The following NELL2 variants were observed in gnomAD, a reference collection of about 807,000 sequenced individuals.
The protein encoded by NELL2 is protein kinase C-binding protein NELL2.
In NELL2, 41 loss-of-function variants were observed where a neutral mutation model predicts 109.6. The ratio of observed to expected loss-of-function variants is 0.37; its 90% CI spans 0.29 to 0.49. NELL2 has a LOEUF of 0.49. Among genes scored for constraint, NELL2 ranks in the 20% least tolerant of loss-of-function variants. The probability of loss-of-function intolerance (pLI) is 0.98; values close to 1 mark genes in which losing one functional copy is unlikely to be tolerated. For synonymous variants in NELL2, 355 were observed against 344.7 expected (o/e 1.03, Z -0.33); for missense variants, 900 against 1,008.3 (o/e 0.89, Z 1.45).
intron 3 of NELL2, among the ~76,000 whole-genome samples, chr12:44,788,675 G>C (rs567619449): frequency 2.6e-5 from 4 of 152,176 alleles, no homozygotes; most frequent in African/African-American, 9.7e-5. Flanking sequence ...GAACTTGGGG[G>C]AAGGCACAAA....
rs570596457 is a variant in NELL2, at chr12:44,837,842, T to C, written c.185-21706A>G. Among the ~76,000 whole-genome samples the C allele has an allele frequency of 2.6e-5, 4 of 152,342 alleles. No homozygotes were observed. In the South Asian group the frequency reaches 8.3e-4, roughly 32 times the overall value. ...CAATGTACCTTACTGAATTAAAAAA[T>C]AGCTTTAATTTCTACATTAAATCAA... On this transcript the variant is annotated intron_variant, in intron 2 of 19. Coordinates refer to ENST00000429094, the MANE Select transcript of NELL2 (RefSeq NM_001145108.2).
intron 13 of NELL2, 145 bp from the exon 14 acceptor site, chr12:44,611,115 T>G: frequency 1.3e-6 from 1 of 757,266 alleles, no homozygotes; most frequent in East Asian, 2.7e-5. Flanking sequence ...GCTCAGATTT[T>G]GAAGTATTAT....
At chr12:44,910,648 A>G (rs1021070361) in intron 1 of NELL2, among the ~76,000 whole-genome samples, 2 of 152,070 alleles carry the variant, frequency 1.3e-5, no homozygotes, top group African/African-American at 4.8e-5. Context: ...CCAAAAAGAT[A>G]CATGTACATG....
At chr12:44,599,748 A>C (rs902772930) in intron 15 of NELL2, among the ~76,000 whole-genome samples, 4 of 152,172 alleles carry the variant, frequency 2.6e-5, no homozygotes, top group Non-Finnish European at 4.4e-5. Context: ...CAAGGTAAAT[A>C]AAAATATTAA....
Position 44,727,481 on chromosome 12 carries a change from GAGTAATAAA to G in NELL2, c.995-12749_995-12741del, listed in dbSNP as rs1471732181. Among the ~76,000 whole-genome samples the G allele has an allele frequency of 3.3e-5, 5 of 152,024 alleles. No homozygotes were observed. The East Asian group carries it at 9.6e-4, about 29-fold the overall frequency. ...TTGCTTATGAATATGACTGCAAAAA[GAGTAATAAA>G]AGTAACAGAAGTGGAAAAATGGAGA... On this transcript the variant is annotated intron_variant, in intron 9 of 19. Transcript: ENST00000429094.
intron 9 of NELL2, among the ~76,000 whole-genome samples, chr12:44,756,480 A>G (rs544768704): frequency 2.6e-5 from 4 of 152,132 alleles, no homozygotes; most frequent in African/African-American, 9.6e-5. Flanking sequence ...TCACAGCCAA[A>G]TGTATTGCAA....
chr12:44,757,557 T>C (rs1325147476), intron 9 of NELL2, among the ~76,000 whole-genome samples: 1 of 152,068 alleles, frequency 6.6e-6, no homozygotes, highest in Non-Finnish European at 1.5e-5. Flanking sequence ...ATACCATACA[T>C]CTAACTAGAA....
chr12:44,583,612 T>G (rs1230259271), intron 15 of NELL2, among the ~76,000 whole-genome samples: 1 of 152,234 alleles, frequency 6.6e-6, no homozygotes, highest in East Asian at 1.9e-4. Flanking sequence ...GACATTATAT[T>G]TCTTTATGAA....
chr12:44,527,739 G>T (rs1157031322), intron 16 of NELL2, among the ~76,000 whole-genome samples: 1 of 152,060 alleles, frequency 6.6e-6, no homozygotes, highest in South Asian at 2.1e-4. Context: ...TAAATGGAGA[G>T]TTGTTTAGAA....
intron 1 of NELL2, among the ~76,000 whole-genome samples, chr12:44,919,381 G>A (rs777747697): frequency 8.6e-5 from 13 of 151,886 alleles, no homozygotes; most frequent in Admixed American, 2.6e-4. Context: ...CCCAATAACC[G>A]TATGTTGAAT....
chr12:44,856,574 G>A (rs1011752288), intron 2 of NELL2, among the ~76,000 whole-genome samples: 1 of 152,154 alleles, frequency 6.6e-6, no homozygotes, highest in African/African-American at 2.4e-5. Flanking sequence ...CTGTCTGGGG[G>A]AAGAGCATTC....
At chr12:44,585,510 GA>G (rs930169966) in intron 15 of NELL2, among the ~76,000 whole-genome samples, 1 of 151,214 alleles carries the variant, frequency 6.6e-6, no homozygotes, top group Admixed American at 6.6e-5. Context: ...GCTGAGGCAG[GA>G]AAAAAAATAA....
chr12:44,644,295 T>C (rs1012295441), intron 13 of NELL2, among the ~76,000 whole-genome samples: 1 of 151,990 alleles, frequency 6.6e-6, no homozygotes, highest in Non-Finnish European at 1.5e-5. Context: ...GAGTTCACAG[T>C]GTGGCATGTA....
At chr12:44,674,803 G>A (rs1948252912) in intron 12 of NELL2, among the ~76,000 whole-genome samples, 1 of 152,110 alleles carries the variant, frequency 6.6e-6, no homozygotes, top group Admixed American at 6.6e-5. Flanking sequence ...GTCTTAAGTG[G>A]TTACTAATCT....
chr12:44,522,957 A>G (rs1035054196), intron 17 of NELL2: 17 of 279,582 alleles, frequency 6.1e-5, no homozygotes, highest in African/African-American at 3.5e-4. Flanking sequence ...AGATATAGGT[A>G]CAATAGGATT....
At chr12:44,732,180 A>C (rs1160335022) in intron 9 of NELL2, among the ~76,000 whole-genome samples, 2 of 152,036 alleles carry the variant, frequency 1.3e-5, no homozygotes, top group African/African-American at 4.8e-5. Context: ...ATCCCTATCA[A>C]AATCCCAATG....
At chr12:44,524,038 C>A (rs1941659285) in intron 16 of NELL2, among the ~76,000 whole-genome samples, 1 of 152,172 alleles carries the variant, frequency 6.6e-6, no homozygotes, top group African/African-American at 2.4e-5. Context: ...GCATTCCAGG[C>A]ATTTTCATAC....
chr12:44,874,771 G>C (rs1471932254), intron 2 of NELL2, among the ~76,000 whole-genome samples: 1 of 152,122 alleles, frequency 6.6e-6, no homozygotes, highest in Non-Finnish European at 1.5e-5. Context: ...AATATTCAGA[G>C]GCATTAATTT....
At chr12:44,725,154 C>T (rs573584976) in intron 9 of NELL2, among the ~76,000 whole-genome samples, 1 of 152,254 alleles carries the variant, frequency 6.6e-6, no homozygotes, top group Non-Finnish European at 1.5e-5. Flanking sequence ...AAACCCAAAA[C>T]TATAAAAACT....
Sources: gnomAD v4.1 joint callset for allele counts (sites outside exome capture counted in the v4.1 genomes callset) on GRCh38, gnomAD v4.1.1 for gene constraint, MANE v1.5 for transcripts, NCBI Gene and HGNC (gene_info 2026-07-23, HGNC 2026-07-21) for gene names.